The following OR6B1 variants were observed in gnomAD, a reference collection of about 807,000 sequenced individuals.
OR6B1 encodes olfactory receptor family 6 subfamily B member 1, also known as olfactory receptor 6B1.
OR6B1 carries 15 observed loss-of-function variants against 15.4 expected under a neutral mutation model. The observed-to-expected ratio is 0.97, with a 90% CI of 0.65 to 1.50. OR6B1 has a LOEUF of 1.50. Ranked by LOEUF, OR6B1 falls within the 40% of genes most tolerant of loss-of-function variation. OR6B1 has a pLI of 0.00. For synonymous variants in OR6B1, 139 were observed against 144.9 expected (o/e 0.96, Z 0.29); for missense variants, 384 against 385.0 (o/e 1.00, Z 0.02).
Position 144,007,387 on chromosome 7 carries a change from A to G in OR6B1, c.*2455A>G, listed in dbSNP as rs2050631478. On this transcript the variant is annotated 3_prime_UTR_variant, in exon 2 of 2. Coordinates refer to ENST00000641698, the MANE Select transcript of OR6B1 (RefSeq NM_001005281.3). The stretch of plus-strand genomic sequence containing the variant: ...GCCGGAAGTTTCAGGGCATTTGGTG[A>G]TCTTGTTGGGGTAACCATCATAAAA... 6.6e-6 allele frequency: 1 copy of G among 152,134 alleles called. No homozygotes were observed. The highest frequency in any genetic ancestry group is 1.5e-5 in the Non-Finnish European group (1 of 68,020). 9.4% of individuals were successfully genotyped at this position (152,134 alleles called of 1,614,324 possible).
Position 144,006,694 on chromosome 7 carries a change from G to C in OR6B1, c.*1762G>C, listed in dbSNP as rs1441957035. The C allele has an allele frequency of 6.6e-6, 1 of 152,150 alleles. No homozygotes were observed. Among genetic ancestry groups the C allele is most frequent in the Non-Finnish European group, 1.5e-5 (1 of 68,012 alleles). 9.4% of individuals were successfully genotyped at this position (152,150 alleles called of 1,614,324 possible). On this transcript the variant is annotated 3_prime_UTR_variant, in exon 2 of 2. Coordinates refer to ENST00000641698, the MANE Select transcript of OR6B1 (RefSeq NM_001005281.3). ...AAATGTGTGCATTAAGAAAGGAAAA[G>C]ACATGTTCAGTAGGGATTAGGAAAT...
Position 144,004,903 on chromosome 7 carries a change from G to T in OR6B1, c.907G>T (p.Ala303Ser). 1 of 1,606,366 alleles carries T rather than the reference G, an allele frequency of 6.2e-7. No homozygotes were observed. The highest frequency in any genetic ancestry group is 8.5e-7 in the Non-Finnish European group (1 of 1,179,114). Residue 303 changes from alanine (A) to serine (S), a missense_variant, in exon 2 of 2, where the codon GCA becomes TCA. By Grantham distance (99) the Ala-to-Ser change is moderately conservative. Coordinates refer to ENST00000641698, the MANE Select transcript of OR6B1 (RefSeq NM_001005281.3). ...GGTCAAGGAAGCTCTGAAGAAACTG[G>T]CATATTGCCAGGCCAGCAGATCTGA... ...REVKEALKKL[A>S]YCQASRSD
rs919851687 is a variant in OR6B1, at chr7:144,008,032, C to A, written c.*3100C>A. On this transcript the variant is annotated 3_prime_UTR_variant, in exon 2 of 2. Transcript: ENST00000641698. ...TGGAAGATATAAGTAATGATTCTCC[C>A]CCCCTAGAGCTGTCAAAGGAAGAGA... 1.3e-5 allele frequency: 2 copies of A among 152,146 alleles called. No individual in the cohort carries two copies. The allele number at this position is 152,146 out of a possible 1,614,324, so 9.4% of individuals were successfully genotyped here. A position where few individuals can be genotyped will look rare whatever the true frequency, so the allele number is the denominator to read the frequency against.
rs1473444956 is a variant in OR6B1 at position 144,007,940 on chromosome 7, T to C, written c.*3008T>C. 2 of 152,048 alleles carry C rather than the reference T, an allele frequency of 1.3e-5. No individual in the cohort carries two copies. The highest frequency in any genetic ancestry group is 2.4e-5 in the African/African-American group (1 of 41,394). 9.4% of individuals were successfully genotyped at this position (152,048 alleles called of 1,614,324 possible). A position where few individuals can be genotyped will look rare whatever the true frequency, so the allele number is the denominator to read the frequency against. ...AGAAGAGAAAACAGAGAAGGTGATG[T>C]GAAGGTAGAGATAGAGATTGGAGTT... On this transcript the variant is annotated 3_prime_UTR_variant, in exon 2 of 2. Coordinates refer to ENST00000641698, the MANE Select transcript of OR6B1 (RefSeq NM_001005281.3).
Position 144,007,711 on chromosome 7 carries a change from TCTAA to T in OR6B1, c.*2781_*2784del, listed in dbSNP as rs2050633650. On this transcript the variant is annotated 3_prime_UTR_variant, in exon 2 of 2. Transcript: ENST00000641698. ...GTGTGTGTGTGTATACATATATATA[TCTAA>T]CATACATACATATTGTAATGGGTTG... 6.6e-6 allele frequency: 1 copy of T among 151,926 alleles called. No homozygotes were observed. The highest frequency in any genetic ancestry group is 1.9e-4 in the East Asian group (1 of 5,184). 9.4% of individuals were successfully genotyped at this position (151,926 alleles called of 1,614,324 possible). A position where few individuals can be genotyped will look rare whatever the true frequency, so the allele number is the denominator to read the frequency against.
chr7:144,001,571 A>G (rs2050585020), intron 1 of OR6B1, among the ~76,000 whole-genome samples: 1 of 152,202 alleles, frequency 6.6e-6, no homozygotes, highest in South Asian at 2.1e-4. Flanking sequence ...AAAAACAAGA[A>G]TATAATAAGA....
In OR6B1 at chr7:144,004,143, G is replaced by A. The variant is rs1392822625; in HGVS notation, c.147G>A (p.Val49=). 6.2e-7 allele frequency: 1 copy of A among 1,614,140 alleles called. No individual in the cohort carries two copies. Among genetic ancestry groups the A allele is most frequent in the South Asian group, 1.1e-5 (1 of 91,072 alleles). ...AAAACGTGATCATCATCCTATTGGT[G>A]CTGCAAAATCGGCCACTGCACAAGC... The part of the protein sequence containing the change: ...VAENVIIILL[V]LQNRPLHKPM... Residue 49 remains valine, a synonymous_variant, in exon 2 of 2, where the codon GTG becomes GTA. Transcript: ENST00000641698.
At position 144,004,960 on chromosome 7, in the gene OR6B1, T is replaced by A; in HGVS notation, c.*28T>A. The A allele has an allele frequency of 6.6e-7, 1 of 1,503,966 alleles. No homozygotes were observed. The highest frequency in any genetic ancestry group is 9.0e-7 in the Non-Finnish European group (1 of 1,115,962). The allele number at this position is 1,503,966 out of a possible 1,614,324, so 93.2% of individuals were successfully genotyped here. On this transcript the variant is annotated 3_prime_UTR_variant, in exon 2 of 2. Coordinates refer to ENST00000641698, the MANE Select transcript of OR6B1 (RefSeq NM_001005281.3). ...AATTACAGCTGATTAGAAAGAAAGGTCTGAGTGGGTGCCTGTATGTCTTCC... is the reference window on the plus strand; with the variant it reads ...AATTACAGCTGATTAGAAAGAAAGGACTGAGTGGGTGCCTGTATGTCTTCC...
At chr7:144,003,834 T>TTG (rs771710147) in intron 1 of OR6B1, 138 bp from the exon 2 acceptor site, 12 of 587,138 alleles carry the variant, frequency 2.0e-5, no homozygotes, top group Non-Finnish European at 3.6e-5. Context: ...TTAAATTACG[T>TTG]TGTGTGCCTC....
chr7:144,004,975 G>A lies in OR6B1; in HGVS notation c.*43G>A, dbSNP rs373649686. The A allele has an allele frequency of 3.7e-5, 51 of 1,393,894 alleles. No homozygotes were observed. The highest frequency in any genetic ancestry group is 4.9e-5 in the Non-Finnish European group (50 of 1,027,080). 86.3% of individuals were successfully genotyped at this position (1,393,894 alleles called of 1,614,324 possible). Reference sequence around the variant, plus strand: ...GAAAGAAAGGTCTGAGTGGGTGCCTGTATGTCTTCCTCCATCCTTTCTCCT... The same window carrying A: ...GAAAGAAAGGTCTGAGTGGGTGCCTATATGTCTTCCTCCATCCTTTCTCCT... On this transcript the variant is annotated 3_prime_UTR_variant, in exon 2 of 2. Transcript: ENST00000641698.
chr7:144,001,316 A>C (rs1259007902), intron 1 of OR6B1, among the ~76,000 whole-genome samples: 1 of 152,270 alleles, frequency 6.6e-6, no homozygotes, highest in Non-Finnish European at 1.5e-5. Context: ...TCATTCAGTT[A>C]ATGAGAAATA....
intron 1 of OR6B1, among the ~76,000 whole-genome samples, chr7:144,003,315 A>G (rs2050596253): frequency 1.3e-5 from 2 of 152,240 alleles, no homozygotes; most frequent in Admixed American, 1.3e-4. Context: ...CTGAATAAAT[A>G]TTAATATTCA....
chr7:144,003,487 G>A (rs1187442886), intron 1 of OR6B1, among the ~76,000 whole-genome samples: 1 of 152,118 alleles, frequency 6.6e-6, no homozygotes, highest in Non-Finnish European at 1.5e-5. Context: ...GGTGATGACA[G>A]CTACTCTCTA....
chr7:144,004,262 A>AC lies in OR6B1; in HGVS notation c.267dup (p.Asn90GlnfsTer32). Reference sequence around the variant, plus strand: ...TTACTGTTTAGTTTTTGGTCTGTGAACAACAGCATCTCTTTCACACTCTGT... The same window carrying AC: ...TTACTGTTTAGTTTTTGGTCTGTGAACCAACAGCATCTCTTTCACACTCTGT... On this transcript the variant is annotated frameshift_variant, in exon 2 of 2. Coordinates refer to ENST00000641698, the MANE Select transcript of OR6B1 (RefSeq NM_001005281.3). LOFTEE classifies it high-confidence loss of function. 2 of 1,614,208 alleles carry AC rather than the reference A, an allele frequency of 1.2e-6. No homozygotes were observed. The highest frequency in any genetic ancestry group is 1.7e-5 in the Admixed American group (1 of 60,028).
At position 144,006,078 on chromosome 7, in the gene OR6B1, G is replaced by T. The variant is rs2050622335; in HGVS notation, c.*1146G>T. 6.6e-6 allele frequency: 1 copy of T among 152,152 alleles called. No homozygotes were observed. The allele number at this position is 152,152 out of a possible 1,614,324, so 9.4% of individuals were successfully genotyped here. On this transcript the variant is annotated 3_prime_UTR_variant, in exon 2 of 2. Transcript: ENST00000641698. ...TTTCTTGCATTAATAACATCTTTTA[G>T]CTAAGAACAAACCACACTTTCAAGA...
Position 144,004,014 on chromosome 7 carries a change from G to A in OR6B1, c.18G>A (p.Gln6=). 1 of 1,611,678 alleles carries A rather than the reference G, an allele frequency of 6.2e-7. No homozygotes were observed. Among genetic ancestry groups the A allele is most frequent in the Non-Finnish European group, 8.5e-7 (1 of 1,178,716 alleles). MELEN[Q]TRVTKFILVG... ...TCTCCAATATGGAGTTGGAGAACCA[G>A]ACACGAGTCACCAAGTTCATTCTGG... The change falls in exon 2 of 2, where the codon CAG becomes CAA. Residue 6 remains glutamine, a synonymous_variant. Coordinates refer to ENST00000641698, the MANE Select transcript of OR6B1 (RefSeq NM_001005281.3).
chr7:144,003,334 G>A (rs1444513867), intron 1 of OR6B1, among the ~76,000 whole-genome samples: 1 of 152,164 alleles, frequency 6.6e-6, no homozygotes, highest in Non-Finnish European at 1.5e-5. Flanking sequence ...CACATTGACG[G>A]AAGAGAAAAC....
At position 144,005,072 on chromosome 7, in the gene OR6B1, G is replaced by A. The variant is rs1480600357; in HGVS notation, c.*140G>A. 7 of 633,286 alleles carry A rather than the reference G, an allele frequency of 1.1e-5. No individual in the cohort carries two copies. Among genetic ancestry groups the A allele is most frequent in the Non-Finnish European group, 1.9e-5 (7 of 368,120 alleles). 39.2% of individuals were successfully genotyped at this position (633,286 alleles called of 1,614,324 possible). A position where few individuals can be genotyped will look rare whatever the true frequency, so the allele number is the denominator to read the frequency against. Reference sequence around the variant, plus strand: ...TGTCTACTTCAATCTCAGGCGCTTGGGTATCTGCATCTGTGCATATGGTCA... The same window carrying A: ...TGTCTACTTCAATCTCAGGCGCTTGAGTATCTGCATCTGTGCATATGGTCA... On this transcript the variant is annotated 3_prime_UTR_variant, in exon 2 of 2. Coordinates refer to ENST00000641698, the MANE Select transcript of OR6B1 (RefSeq NM_001005281.3).
rs910938735 is a variant in OR6B1, at chr7:144,006,432, G to T, written c.*1500G>T. Reference sequence around the variant, plus strand: ...GAATTATAGGTCCCAGAGGAAAAAAGAAACAAAAATAAAATGCAAGCACAA... The same window carrying T: ...GAATTATAGGTCCCAGAGGAAAAAATAAACAAAAATAAAATGCAAGCACAA... On this transcript the variant is annotated 3_prime_UTR_variant, in exon 2 of 2. Transcript: ENST00000641698. The T allele has an allele frequency of 6.6e-6, 1 of 152,092 alleles. No individual in the cohort carries two copies. Among genetic ancestry groups the T allele is most frequent in the Non-Finnish European group, 1.5e-5 (1 of 67,978 alleles). The allele number at this position is 152,092 out of a possible 1,614,324, so 9.4% of individuals were successfully genotyped here.
Sources: gnomAD v4.1 joint callset for allele counts (sites outside exome capture counted in the v4.1 genomes callset) on GRCh38, gnomAD v4.1.1 for gene constraint, MANE v1.5 for transcripts, NCBI Gene and HGNC (gene_info 2026-07-23, HGNC 2026-07-21) for gene names.